BTBD9: variants seen among roughly 807,000 people sequenced by gnomAD.
BTBD9 encodes the protein BTB/POZ domain-containing protein 9.
In BTBD9, 49 loss-of-function variants were observed where a neutral mutation model predicts 64.3. That is an observed-to-expected ratio of 0.76 (90% CI 0.61 to 0.97). BTBD9 has a LOEUF of 0.97. Ranked by LOEUF, BTBD9 falls within the 50% of genes least tolerant of loss-of-function variation. The probability of loss-of-function intolerance (pLI) is 0.00; values close to 1 mark genes in which losing one functional copy is unlikely to be tolerated. For missense variants in BTBD9, 598 were observed against 762.1 expected (o/e 0.78, Z 2.53); for synonymous variants, 260 against 274.7 (o/e 0.95, Z 0.53).
rs1243905837 is a variant in BTBD9, at chr6:38,580,316, G to T, written c.936C>A (p.His312Gln). ...CGGAACGGCAGTCATCATCAATTGGGTGCCTTGAAAATCCATGATCCAAAT... is the reference window on the plus strand; with the variant it reads ...CGGAACGGCAGTCATCATCAATTGGTTGCCTTGAAAATCCATGATCCAAAT... The part of the protein sequence containing the change: ...NYDLDHGFSR[H>Q]PIDDDCRSGI... The change falls in exon 5 of 11, where the codon CAC (histidine) becomes CAA (glutamine). Residue 312 changes from histidine (H) to glutamine (Q), a missense_variant. Physicochemically the swap from His to Gln is conservative, Grantham distance 24 (BLOSUM62 0). Coordinates refer to ENST00000481247, the MANE Select transcript of BTBD9 (RefSeq NM_001099272.2). 1 of 1,614,146 alleles carries T rather than the reference G, an allele frequency of 6.2e-7. No homozygotes were observed. The highest frequency in any genetic ancestry group is 1.3e-5 in the African/African-American group (1 of 75,032).
intron 6 of BTBD9, among the ~76,000 whole-genome samples, chr6:38,376,002 C>G (rs1765683587): frequency 6.6e-6 from 1 of 151,728 alleles, no homozygotes; most frequent in African/African-American, 2.4e-5. Context: ...GAAAATAAAA[C>G]TAAGTCTGCT....
intron 9 of BTBD9, among the ~76,000 whole-genome samples, chr6:38,199,925 T>C (rs932742465): frequency 3.3e-5 from 5 of 152,318 alleles, no homozygotes; most frequent in East Asian, 3.9e-4. Flanking sequence ...GGGGTGACCA[T>C]GGGCTACCAT....
At chr6:38,521,592 T>G (rs1047389139) in intron 6 of BTBD9, among the ~76,000 whole-genome samples, 3 of 152,144 alleles carry the variant, frequency 2.0e-5, no homozygotes, top group African/African-American at 7.2e-5. Context: ...GCATTCAGAT[T>G]TCAGATTTTC....
chr6:38,350,748 C>CGGAGAACATTGTTGTTTGTTGTGGCCAGA (rs1764469561), intron 6 of BTBD9, among the ~76,000 whole-genome samples: 3 of 152,224 alleles, frequency 2.0e-5, no homozygotes, highest in African/African-American at 7.2e-5. Flanking sequence ...GAGGACTCTG[C>CGGAGAACATTGTTGTTTGTTGTGGCCAGA]GGAGAACATT....
intron 6 of BTBD9, among the ~76,000 whole-genome samples, chr6:38,492,394 A>T (rs1771743121): frequency 6.6e-6 from 1 of 152,244 alleles, no homozygotes; most frequent in Non-Finnish European, 1.5e-5. Context: ...TATAAAATGG[A>T]GATAATATTT....
chr6:38,185,301 C>T (rs1761768630), intron 10 of BTBD9, among the ~76,000 whole-genome samples: 2 of 152,308 alleles, frequency 1.3e-5, no homozygotes, highest in South Asian at 4.1e-4. Context: ...GGTGAAGCTG[C>T]CATCCCCTTA....
At chr6:38,232,760 A>G (rs1157535966) in intron 9 of BTBD9, among the ~76,000 whole-genome samples, 2 of 151,870 alleles carry the variant, frequency 1.3e-5, no homozygotes, top group Non-Finnish European at 2.9e-5. Flanking sequence ...CAGCCTCCCA[A>G]GTAGCTAAGA....
chr6:38,249,089 G>C (rs563313824), intron 9 of BTBD9, among the ~76,000 whole-genome samples: 1 of 152,146 alleles, frequency 6.6e-6, no homozygotes, highest in Non-Finnish European at 1.5e-5. Flanking sequence ...TTAGATACTA[G>C]AGGGCAATAA....
chr6:38,620,815 C>T (rs1777957617), intron 1 of BTBD9, among the ~76,000 whole-genome samples: 1 of 152,100 alleles, frequency 6.6e-6, no homozygotes, highest in Non-Finnish European at 1.5e-5. Context: ...TCCCTGGATA[C>T]AGTGAGATGG....
intron 6 of BTBD9, among the ~76,000 whole-genome samples, chr6:38,475,915 G>A (rs1770855381): frequency 6.6e-6 from 1 of 152,054 alleles, no homozygotes. Flanking sequence ...GAAACACGAT[G>A]GCTCTAGATT....
intron 6 of BTBD9, among the ~76,000 whole-genome samples, chr6:38,384,604 TCA>T (rs1766075035): frequency 6.6e-6 from 1 of 151,956 alleles, no homozygotes; most frequent in Non-Finnish European, 1.5e-5. Flanking sequence ...TTCCTAAGAG[TCA>T]CATAATAAGG....
chr6:38,194,926 C>G (rs1041058257), intron 9 of BTBD9, among the ~76,000 whole-genome samples: 2 of 152,178 alleles, frequency 1.3e-5, no homozygotes, highest in Non-Finnish European at 2.9e-5. Flanking sequence ...GTAAGAAGAT[C>G]AGAAGGTCTC....
intron 6 of BTBD9, among the ~76,000 whole-genome samples, chr6:38,572,387 C>T (rs1298957790): frequency 3.3e-5 from 5 of 152,150 alleles, no homozygotes; most frequent in Admixed American, 3.3e-4. Flanking sequence ...GAAAGTAGAA[C>T]CATTCTAGTG....
chr6:38,296,995 T>C (rs1177640087), intron 7 of BTBD9, among the ~76,000 whole-genome samples: 3 of 152,218 alleles, frequency 2.0e-5, no homozygotes, highest in African/African-American at 7.2e-5. Context: ...TATGGTTCTA[T>C]ATATATTTAT....
chr6:38,170,989 A>T lies in BTBD9; in HGVS notation c.*3996T>A, dbSNP rs1005060237. 6.6e-6 allele frequency: 1 copy of T among 152,266 alleles called. No individual in the cohort carries two copies. Among genetic ancestry groups the T allele is most frequent in the African/African-American group, 2.4e-5 (1 of 41,480 alleles). 9.4% of individuals were successfully genotyped at this position (152,266 alleles called of 1,614,324 possible). On this transcript the variant is annotated 3_prime_UTR_variant, in exon 11 of 11. Coordinates refer to ENST00000481247, the MANE Select transcript of BTBD9 (RefSeq NM_001099272.2). ...TAATGAGGAAAAACTCCTGGAAGGAAGCAAATTTAATTTTCTTTTCCTCTT... is the reference window on the plus strand; with the variant it reads ...TAATGAGGAAAAACTCCTGGAAGGATGCAAATTTAATTTTCTTTTCCTCTT...
rs74930228 is a variant in BTBD9 at position 38,483,270 on chromosome 6, T to C, written c.1154+94330A>G. ...TCTTAAAGGACGCCACTAAGCTCTA[T>C]CTTGCTACAACCAGGAGTCGATTTT... is the stretch of plus-strand genomic sequence containing the variant. On this transcript the variant is annotated intron_variant, in intron 6 of 10. Coordinates refer to ENST00000481247, the MANE Select transcript of BTBD9 (RefSeq NM_001099272.2). Among the ~76,000 whole-genome samples the C allele has an allele frequency of 3.1e-3, 471 of 152,216 alleles. 5 individuals are homozygous for C. The highest frequency in any genetic ancestry group is 0.02 in the South Asian group (94 of 4,814).
At chr6:38,448,137 T>A (rs1349900330) in intron 6 of BTBD9, among the ~76,000 whole-genome samples, 1 of 151,546 alleles carries the variant, frequency 6.6e-6, no homozygotes, top group Non-Finnish European at 1.5e-5. Context: ...CTTTGCTTCA[T>A]CCCCAGCCAA....
chr6:38,251,422 G>T lies in BTBD9; in HGVS notation c.1562+4987C>A, dbSNP rs181690396. ...TGGGTTTACAGGCACGTGCCACCAG[G>T]CCCAGCTAATTTTTGTATTTTTAGT... is the stretch of plus-strand genomic sequence containing the variant. On this transcript the variant is annotated intron_variant, in intron 9 of 10. Transcript: ENST00000481247. 2.2e-3 allele frequency among the ~76,000 whole-genome samples: 331 copies of T among 151,774 alleles called. 3 individuals are homozygous for T. The highest frequency in any genetic ancestry group is 4.0e-3 in the Admixed American group (61 of 15,270).
chr6:38,558,189 T>G (rs1359196809), intron 6 of BTBD9, among the ~76,000 whole-genome samples: 1 of 151,974 alleles, frequency 6.6e-6, no homozygotes, highest in African/African-American at 2.4e-5. Context: ...GACCAAGAGT[T>G]CCAGGGTAAA....
Sources: allele counts gnomAD v4.1 joint callset (sites outside exome capture counted in the v4.1 genomes callset), GRCh38; gene constraint gnomAD v4.1.1; transcripts MANE v1.5; gene names NCBI Gene and HGNC (gene_info 2026-07-23, HGNC 2026-07-21).